The following PRKCQ variants were observed in gnomAD, a reference collection of about 807,000 sequenced individuals.
The protein encoded by PRKCQ is protein kinase C theta.
PRKCQ carries 41 observed loss-of-function variants against 91.2 expected under a neutral mutation model. The ratio of observed to expected loss-of-function variants is 0.45; its 90% CI spans 0.35 to 0.58. The LOEUF (loss-of-function observed/expected upper bound fraction) is 0.58, where lower values mean the gene tolerates loss of function less well. Ranked by LOEUF, PRKCQ falls within the 20% of genes least tolerant of loss-of-function variation. PRKCQ has a pLI of 0.00. For missense variants in PRKCQ, 673 were observed against 896.5 expected (o/e 0.75, Z 3.18); for synonymous variants, 307 against 316.9 (o/e 0.97, Z 0.33).
intron 1 of PRKCQ, among the ~76,000 whole-genome samples, chr10:6,533,014 T>C (rs1839446658): frequency 6.6e-6 from 1 of 152,150 alleles, no homozygotes; most frequent in Admixed American, 6.5e-5. Context: ...TTTTAAAAAA[T>C]AGGTTTTATT....
the PRKCQ span, among the ~76,000 whole-genome samples, chr10:6,399,786 G>C: frequency 0.97 from 148,020 of 152,044 alleles, 72,162 homozygotes; most frequent in East Asian, 1. Flanking sequence ...AACTCATGAT[G>C]AAAAAGTTCT....
chr10:6,431,343 C>T (rs1018177534), intron 16 of PRKCQ, among the ~76,000 whole-genome samples: 1 of 152,204 alleles, frequency 6.6e-6, no homozygotes, highest in Non-Finnish European at 1.5e-5. Context: ...TGCACACAGA[C>T]AGGCACATGT....
intron 3 of PRKCQ, 134 bp downstream of exon 3, chr10:6,510,861 A>C: frequency 1.1e-6 from 1 of 876,978 alleles, no homozygotes; most frequent in Non-Finnish European, 1.8e-6. Flanking sequence ...TCAAATCACC[A>C]GTAGGAAGTG....
Position 6,456,707 on chromosome 10 carries a change from G to T in PRKCQ, c.1614C>A (p.Thr538=), listed in dbSNP as rs765199547. ...ENMLGDAKTN[T]FCGTPDYIAP... ...CGATGTAGTCAGGTGTCCCACAGAA[G>T]GTATTCGTCTTGGCATCTCCTAACA... Residue 538 remains threonine (T), a synonymous_variant, in exon 15 of 18, where the codon ACC becomes ACA. Coordinates refer to ENST00000263125, the MANE Select transcript of PRKCQ (RefSeq NM_006257.5). The T allele has an allele frequency of 2.1e-5, 34 of 1,614,002 alleles. No homozygotes were observed. The highest frequency in any genetic ancestry group is 2.6e-5 in the Non-Finnish European group (31 of 1,180,002).
chr10:6,498,712 C>T (rs1247752119), intron 4 of PRKCQ, among the ~76,000 whole-genome samples, 154 bp from the exon 5 acceptor site: 1 of 152,086 alleles, frequency 6.6e-6, no homozygotes, highest in African/African-American at 2.4e-5. Context: ...ATGGTGGGTA[C>T]CACACTAAGC....
chr10:6,482,742 G>A (rs1001183608), intron 11 of PRKCQ, among the ~76,000 whole-genome samples: 2 of 152,178 alleles, frequency 1.3e-5, no homozygotes, highest in Admixed American at 1.3e-4. Context: ...AGCTGGGGAG[G>A]CCTCGCAATC....
the PRKCQ span, among the ~76,000 whole-genome samples, chr10:6,397,298 T>G: frequency 6.6e-6 from 1 of 152,192 alleles, no homozygotes; most frequent in East Asian, 1.9e-4. Context: ...GTTTCACCTG[T>G]TGGCCAAGCT....
rs374390519 is a variant in PRKCQ, at chr10:6,507,500, G to A, written c.319-4C>T. 9 of 1,612,742 alleles carry A rather than the reference G, an allele frequency of 5.6e-6. No individual in the cohort carries two copies. The highest frequency in any genetic ancestry group is 2.7e-5 in the African/African-American group (2 of 74,888). On this transcript the variant is annotated splice_region_variant and splice_polypyrimidine_tract_variant and intron_variant, in intron 3 of 17. Coordinates refer to ENST00000263125, the MANE Select transcript of PRKCQ (RefSeq NM_006257.5). ...GGCCTTGAGGTTTCAGCTCTAACTG[G>A]TTGGGAGAAGGAGAGAAACATCAGT...
chr10:6,501,908 A>T (rs1837936459), intron 4 of PRKCQ, among the ~76,000 whole-genome samples: 1 of 152,190 alleles, frequency 6.6e-6, no homozygotes, highest in Non-Finnish European at 1.5e-5. Flanking sequence ...TCAACCTCCC[A>T]GAATCAGAGG....
chr10:6,464,772 G>T (rs910022486), intron 12 of PRKCQ, among the ~76,000 whole-genome samples: 1 of 152,224 alleles, frequency 6.6e-6, no homozygotes, highest in African/African-American at 2.4e-5. Context: ...TAGCTCTTTA[G>T]AGAAAATACA....
At chr10:6,524,747 G>A (rs1302923505) in intron 1 of PRKCQ, among the ~76,000 whole-genome samples, 3 of 152,238 alleles carry the variant, frequency 2.0e-5, no homozygotes, top group African/African-American at 4.8e-5. Context: ...GGAGAAAAGT[G>A]GGTGAGGAGG....
intron 1 of PRKCQ, among the ~76,000 whole-genome samples, chr10:6,570,312 T>C (rs149374142): frequency 4.6e-5 from 7 of 152,196 alleles, no homozygotes; most frequent in Non-Finnish European, 7.4e-5. Context: ...AGGAGTTTGA[T>C]TGTGAAGAGA....
chr10:6,558,562 A>G (rs150283394), intron 1 of PRKCQ, among the ~76,000 whole-genome samples: 1 of 152,348 alleles, frequency 6.6e-6, no homozygotes, highest in East Asian at 1.9e-4. Context: ...TTAGCAAGCA[A>G]ACATCATGGG....
chr10:6,549,831 C>T (rs1252731639), intron 1 of PRKCQ, among the ~76,000 whole-genome samples: 1 of 151,894 alleles, frequency 6.6e-6, no homozygotes, highest in Admixed American at 6.6e-5. Flanking sequence ...GCGCTCTCCC[C>T]ATGTTGGCCA....
intron 16 of PRKCQ, among the ~76,000 whole-genome samples, chr10:6,433,518 C>T (rs1833522006): frequency 6.6e-6 from 1 of 152,044 alleles, no homozygotes; most frequent in Admixed American, 6.6e-5. Context: ...CATCTTCTAT[C>T]CTCATTTTAT....
chr10:6,501,555 C>CT (rs973427646), intron 4 of PRKCQ, among the ~76,000 whole-genome samples: 2 of 151,928 alleles, frequency 1.3e-5, no homozygotes, highest in Non-Finnish European at 1.5e-5. Context: ...GGCGTGGTAG[C>CT]TTACAACTGT....
chr10:6,451,351 T>C (rs1344715817), intron 15 of PRKCQ, among the ~76,000 whole-genome samples: 2 of 152,074 alleles, frequency 1.3e-5, no homozygotes, highest in African/African-American at 4.8e-5. Flanking sequence ...TTCCTCGACA[T>C]ATACACTCTC....
At chr10:6,485,798 A>G (rs1254696772) in intron 9 of PRKCQ, among the ~76,000 whole-genome samples, 2 of 152,258 alleles carry the variant, frequency 1.3e-5, no homozygotes, top group East Asian at 3.8e-4. Flanking sequence ...TGTTTCTGCA[A>G]TGCTCATGCC....
chr10:6,457,693 G>C (rs1835085785), intron 14 of PRKCQ, among the ~76,000 whole-genome samples: 1 of 152,172 alleles, frequency 6.6e-6, no homozygotes, highest in Admixed American at 6.5e-5. Context: ...GAGACAATCT[G>C]ATTGGTGCAG....
Sources: gnomAD v4.1 joint callset for allele counts (sites outside exome capture counted in the v4.1 genomes callset) on GRCh38, gnomAD v4.1.1 for gene constraint, MANE v1.5 for transcripts, NCBI Gene and HGNC (gene_info 2026-07-23, HGNC 2026-07-21) for gene names.